The following CRACR2A variants were observed in gnomAD, a reference collection of about 807,000 sequenced individuals.
CRACR2A encodes calcium release activated channel regulator 2A, also known as EF-hand calcium-binding domain-containing protein 4B.
Under a neutral mutation model 90.5 loss-of-function variants are expected in CRACR2A, and 79 were observed. The observed-to-expected ratio is 0.87, with a 90% confidence interval of 0.73 to 1.05. The LOEUF is 1.05. Ranked by LOEUF, CRACR2A falls within the 50% of genes least tolerant of loss-of-function variation. The probability of loss-of-function intolerance (pLI) is 0.00; values close to 1 mark genes in which losing one functional copy is unlikely to be tolerated. For missense variants in CRACR2A, 823 were observed against 897.2 expected (o/e 0.92, Z 1.06); for synonymous variants, 338 against 356.7 (o/e 0.95, Z 0.59).
intron 12 of CRACR2A, among the ~76,000 whole-genome samples, chr12:3,643,153 A>G (rs1944604276): frequency 8.2e-6 from 1 of 121,644 alleles, no homozygotes; most frequent in Non-Finnish European, 2.0e-5. Flanking sequence ...TCAAACAAAC[A>G]TGTGTAGGCT....
rs1222672065 is a variant in CRACR2A, at chr12:3,644,578, G to C, written c.1164+17C>G. The C allele has an allele frequency of 3.9e-6, 6 of 1,550,984 alleles. No homozygotes were observed. Among genetic ancestry groups the C allele is most frequent in the African/African-American group, 1.4e-5 (1 of 73,024 alleles). On this transcript the variant is annotated intron_variant, in intron 12 of 19. Transcript: ENST00000440314. ...AGCCCTTGGTCCCCCACAGGTAAGG[G>C]AGAACTGGCCAATTACCTGAAAACA...
chr12:3,742,365 A>T (rs967885308), intron 1 of CRACR2A, among the ~76,000 whole-genome samples: 1 of 152,182 alleles, frequency 6.6e-6, no homozygotes, highest in African/African-American at 2.4e-5. Flanking sequence ...TCCGAATACC[A>T]TCTCCATCCT....
chr12:3,687,240 T>C (rs373963468), intron 4 of CRACR2A, among the ~76,000 whole-genome samples: 1 of 152,036 alleles, frequency 6.6e-6, no homozygotes, highest in East Asian at 1.9e-4. Context: ...AGGTTTGTTA[T>C]ATAGGTAAAC....
At chr12:3,649,896 T>C (rs1163642504) in intron 10 of CRACR2A, among the ~76,000 whole-genome samples, 3 of 151,584 alleles carry the variant, frequency 2.0e-5, no homozygotes, top group African/African-American at 7.3e-5. Flanking sequence ...GATGGGGTAA[T>C]TGGGGAGGTC....
chr12:3,672,169 C>T (rs1945254908), intron 7 of CRACR2A, among the ~76,000 whole-genome samples: 3 of 152,260 alleles, frequency 2.0e-5, no homozygotes, highest in Admixed American at 2.0e-4. Context: ...TCTGTGTATA[C>T]CCAATGGACC....
At chr12:3,721,787 G>A (rs1205797306) in intron 2 of CRACR2A, among the ~76,000 whole-genome samples, 2 of 152,106 alleles carry the variant, frequency 1.3e-5, no homozygotes, top group Non-Finnish European at 2.9e-5. Context: ...TGGGTTTATG[G>A]GTGATTTTTA....
At chr12:3,619,228 G>C in intron 18 of CRACR2A, 43 bp downstream of exon 18, 1 of 1,506,956 alleles carries the variant, frequency 6.6e-7, no homozygotes, top group Non-Finnish European at 9.0e-7. Flanking sequence ...ACTTCCCTCG[G>C]GGTCACACTC....
At chr12:3,644,567 C>G in intron 12 of CRACR2A, 28 bp downstream of exon 12, 3 of 1,550,466 alleles carry the variant, frequency 1.9e-6, no homozygotes, top group Non-Finnish European at 2.6e-6. Context: ...CTTGGTCCCC[C>G]ACAGGTAAGG....
intron 2 of CRACR2A, 54 bp from the exon 3 acceptor site, chr12:3,713,371 C>A: frequency 1.1e-6 from 1 of 934,662 alleles, no homozygotes; most frequent in Non-Finnish European, 1.3e-6. Flanking sequence ...AGGGTTACAA[C>A]AGAAGTGGCT....
chr12:3,713,510 G>A (rs901322465), intron 2 of CRACR2A, among the ~76,000 whole-genome samples, 193 bp from the exon 3 acceptor site: 2 of 152,164 alleles, frequency 1.3e-5, no homozygotes, highest in Admixed American at 6.5e-5. Context: ...AAGGAATAGC[G>A]ATGATAAGTC....
intron 3 of CRACR2A, among the ~76,000 whole-genome samples, chr12:3,701,660 T>C (rs143083694): frequency 5.9e-5 from 9 of 152,240 alleles, no homozygotes; most frequent in African/African-American, 2.2e-4. Flanking sequence ...GCCAAAGAAA[T>C]TGACCTGATA....
chr12:3,621,896 A>G (rs1944150346), intron 17 of CRACR2A, among the ~76,000 whole-genome samples: 1 of 151,946 alleles, frequency 6.6e-6, no homozygotes, highest in African/African-American at 2.4e-5. Flanking sequence ...GCAAAAATAA[A>G]TGAGAATACC....
chr12:3,639,209 C>G (rs1257915755), intron 13 of CRACR2A, among the ~76,000 whole-genome samples: 2 of 152,060 alleles, frequency 1.3e-5, no homozygotes, highest in Non-Finnish European at 2.9e-5. Context: ...TCCTTCCTCT[C>G]CCTTTCTCTT....
chr12:3,647,329 C>T lies in CRACR2A; in HGVS notation c.1118+1213G>A, dbSNP rs114188802. ...GGGCTTAAGCTTGGTAACCCTGGATCGATGGCACAGAAAGGCCTCAGGCCT... is the reference window on the plus strand; with the variant it reads ...GGGCTTAAGCTTGGTAACCCTGGATTGATGGCACAGAAAGGCCTCAGGCCT... On this transcript the variant is annotated intron_variant, in intron 11 of 19. Coordinates refer to ENST00000440314, the MANE Select transcript of CRACR2A (RefSeq NM_001144958.2). Among the ~76,000 whole-genome samples, 581 of 152,088 alleles carry T rather than the reference C, an allele frequency of 3.8e-3. 6 individuals are homozygous for T. Among genetic ancestry groups the T allele is most frequent in the African/African-American group, 0.013 (550 of 41,464 alleles).
chr12:3,624,251 A>G (rs1237200291), intron 17 of CRACR2A, among the ~76,000 whole-genome samples: 1 of 152,212 alleles, frequency 6.6e-6, no homozygotes, highest in Non-Finnish European at 1.5e-5. Context: ...TCACTTACTA[A>G]TAAGGCTTCA....
intron 2 of CRACR2A, among the ~76,000 whole-genome samples, chr12:3,720,464 A>AAAGAAAGCAAGCAAGCAAGC (rs1478961662): frequency 1.3e-5 from 2 of 150,792 alleles, no homozygotes; most frequent in African/African-American, 4.9e-5. Context: ...AGAAAGAAAG[A>AAAGAAAGCAAGCAAGCAAGC]AAGCAAAAGA....
At chr12:3,703,022 C>CA (rs1274241267) in intron 3 of CRACR2A, among the ~76,000 whole-genome samples, 1 of 152,146 alleles carries the variant, frequency 6.6e-6, no homozygotes, top group Non-Finnish European at 1.5e-5. Flanking sequence ...AGATGCAAGG[C>CA]AATTCAGAGG....
chr12:3,628,477 C>G (rs1456258493), intron 15 of CRACR2A, among the ~76,000 whole-genome samples: 1 of 152,132 alleles, frequency 6.6e-6, no homozygotes, highest in African/African-American at 2.4e-5. Context: ...AGCTCCTAAT[C>G]CTACCACTGG....
At chr12:3,732,215 C>T (rs1378710247) in intron 2 of CRACR2A, 1 of 152,122 alleles carries the variant, frequency 6.6e-6, no homozygotes, top group Non-Finnish European at 1.5e-5. Context: ...AAATAGTCAA[C>T]CAATAAACAA....
Sources: gnomAD v4.1 joint callset for allele counts (sites outside exome capture counted in the v4.1 genomes callset) on GRCh38, gnomAD v4.1.1 for gene constraint, MANE v1.5 for transcripts, NCBI Gene and HGNC (gene_info 2026-07-23, HGNC 2026-07-21) for gene names.